SH3PXD2A: variants seen among roughly 807,000 people sequenced by gnomAD.
SH3PXD2A encodes SH3 and PX domains 2A, also known as SH3 and PX domain-containing protein 2A.
Under a neutral mutation model 115.2 loss-of-function variants are expected in SH3PXD2A, and 32 were observed. The observed-to-expected ratio is 0.28, with a 90% CI of 0.21 to 0.37. SH3PXD2A has a LOEUF of 0.37. Among genes scored for constraint, SH3PXD2A ranks in the 10% least tolerant of loss-of-function variants. The pLI, the probability that SH3PXD2A is intolerant of heterozygous loss-of-function variation, is 1.00. For synonymous variants in SH3PXD2A, 610 were observed against 629.1 expected (o/e 0.97, Z 0.45); for missense variants, 1,328 against 1,498.7 (o/e 0.89, Z 1.88).
intron 3 of SH3PXD2A, among the ~76,000 whole-genome samples, chr10:103,739,354 G>A (rs2134189763): frequency 6.6e-6 from 1 of 152,350 alleles, no homozygotes; most frequent in Admixed American, 6.5e-5. Context: ...TCCCAGCTGA[G>A]TTTTTGGAAG....
intron 5 of SH3PXD2A, among the ~76,000 whole-genome samples, chr10:103,707,977 G>C (rs2038001000): frequency 6.6e-6 from 1 of 152,072 alleles, no homozygotes; most frequent in Admixed American, 6.5e-5. Flanking sequence ...TCACTTGGAG[G>C]CCCAGCTCCC....
chr10:103,804,471 G>A (rs1172348954), intron 1 of SH3PXD2A, among the ~76,000 whole-genome samples: 6 of 151,480 alleles, frequency 4.0e-5, no homozygotes, highest in Non-Finnish European at 7.4e-5. Flanking sequence ...GCAGGCACCC[G>A]CCACCACGCC....
chr10:103,776,010 G>A (rs1390402245), intron 2 of SH3PXD2A, among the ~76,000 whole-genome samples: 1 of 152,176 alleles, frequency 6.6e-6, no homozygotes, highest in Non-Finnish European at 1.5e-5. Flanking sequence ...TGGGCTCTAG[G>A]GGAGCATCTG....
intron 8 of SH3PXD2A, among the ~76,000 whole-genome samples, chr10:103,638,830 T>C (rs540358387): frequency 1.3e-5 from 2 of 152,366 alleles, no homozygotes; most frequent in East Asian, 3.9e-4. Flanking sequence ...CCTGGGTGAC[T>C]GGGGCCAGGG....
chr10:103,678,096 T>A, intron 6 of SH3PXD2A: 1 of 1,286,702 alleles, frequency 7.8e-7, no homozygotes, highest in Non-Finnish European at 1.0e-6. Flanking sequence ...AGCAGTACAG[T>A]CTCTGGCAGG....
chr10:103,775,658 G>A (rs189729963), intron 2 of SH3PXD2A, among the ~76,000 whole-genome samples: 12 of 152,314 alleles, frequency 7.9e-5, no homozygotes, highest in Non-Finnish European at 1.8e-4. Flanking sequence ...AAATGCTGCC[G>A]TATGTCAGAG....
chr10:103,755,744 AC>A (rs566707583), intron 3 of SH3PXD2A, among the ~76,000 whole-genome samples: 99 of 151,926 alleles, frequency 6.5e-4, no homozygotes, highest in Non-Finnish European at 1.2e-3. Flanking sequence ...GCTCAGAACC[AC>A]CCCCTACCCG....
In SH3PXD2A at chr10:103,607,147, G is replaced by A. The variant is rs566952842; in HGVS notation, c.1309-1230C>T. Among the ~76,000 whole-genome samples the A allele has an allele frequency of 7.8e-5, 11 of 141,488 alleles. No homozygotes were observed. In the East Asian group the frequency reaches 1.7e-3, roughly 22 times the overall value. The allele number at this position is 141,488 out of a possible 152,430, so 92.8% of individuals were successfully genotyped here. A position where few individuals can be genotyped will look rare whatever the true frequency, so the allele number is the denominator to read the frequency against. On this transcript the variant is annotated intron_variant, in intron 13 of 14. Coordinates refer to ENST00000369774, the MANE Select transcript of SH3PXD2A (RefSeq NM_001394015.1). ...ATGTGGGGAGTGCCTCTGCCCTGCC[G>A]CCCCGTCTGGGATGTGAGGAGCGCC...
intron 3 of SH3PXD2A, among the ~76,000 whole-genome samples, chr10:103,738,735 G>T (rs1193822449): frequency 6.6e-6 from 1 of 152,126 alleles, no homozygotes; most frequent in Admixed American, 6.5e-5. Context: ...CAATCTCAAG[G>T]TTAGCCAAAG....
chr10:103,670,111 C>T (rs1338562250), intron 6 of SH3PXD2A, among the ~76,000 whole-genome samples: 1 of 152,198 alleles, frequency 6.6e-6, no homozygotes, highest in Non-Finnish European at 1.5e-5. Flanking sequence ...CTCTTTCCCT[C>T]ACTCAGCAAG....
intron 3 of SH3PXD2A, among the ~76,000 whole-genome samples, chr10:103,739,544 C>T (rs746708128): frequency 3.9e-5 from 6 of 152,078 alleles, no homozygotes; most frequent in Non-Finnish European, 4.4e-5. Context: ...AAAGCCAAAC[C>T]GGTGACCGTA....
At chr10:103,767,259 C>T in intron 2 of SH3PXD2A, 90 bp from the exon 3 acceptor site, 2 of 937,630 alleles carry the variant, frequency 2.1e-6, no homozygotes, top group Non-Finnish European at 3.4e-6. Flanking sequence ...GCTCCAGGGC[C>T]CCAGTGTCCT....
At chr10:103,788,813 C>T (rs1048028685) in intron 2 of SH3PXD2A, among the ~76,000 whole-genome samples, 7 of 152,088 alleles carry the variant, frequency 4.6e-5, no homozygotes, top group Non-Finnish European at 1.0e-4. Context: ...ACCCGGGAGG[C>T]GGAGCTTGCA....
chr10:103,841,867 G>T (rs1331149953), intron 1 of SH3PXD2A, among the ~76,000 whole-genome samples: 1 of 152,212 alleles, frequency 6.6e-6, no homozygotes, highest in Non-Finnish European at 1.5e-5. Flanking sequence ...GCTCACGCCT[G>T]TAATCCCAGC....
At chr10:103,723,103 C>A (rs907590612) in intron 5 of SH3PXD2A, among the ~76,000 whole-genome samples, 1 of 152,194 alleles carries the variant, frequency 6.6e-6, no homozygotes, top group Admixed American at 6.5e-5. Context: ...TCCAGAGCCA[C>A]GCAATGCTCA....
intron 8 of SH3PXD2A, among the ~76,000 whole-genome samples, chr10:103,631,879 AGG>A (rs2036785186): frequency 6.6e-6 from 1 of 152,030 alleles, no homozygotes; most frequent in Non-Finnish European, 1.5e-5. Flanking sequence ...GCACTTTGGG[AGG>A]TCAAGGTGGG....
Position 103,661,032 on chromosome 10 carries a change from C to T in SH3PXD2A, c.555G>A (p.Leu185=). The change falls in exon 8 of 15, where the codon CTG becomes CTA. Residue 185 remains leucine, a synonymous_variant. Coordinates refer to ENST00000369774, the MANE Select transcript of SH3PXD2A (RefSeq NM_001394015.1). ...SNYKKQENSE[L]SLQAGEVVDV... is the part of the protein sequence containing the mutation. ...CCACCACCTCCCCGGCCTGGAGGCT[C>T]AGCTCCGAGTTCTCCTGCTTCTTAT... 1 of 1,614,166 alleles carries T rather than the reference C, an allele frequency of 6.2e-7. No individual in the cohort carries two copies. Among genetic ancestry groups the T allele is most frequent in the African/African-American group, 1.3e-5 (1 of 75,078 alleles).
At chr10:103,773,439 CTTTCTT>C (rs1224538760) in intron 2 of SH3PXD2A, among the ~76,000 whole-genome samples, 4 of 146,490 alleles carry the variant, frequency 2.7e-5, no homozygotes. Context: ...TCTTTTCTTT[CTTTCTT>C]TTTTTTTTTT....
chr10:103,849,862 A>T (rs187175550), intron 1 of SH3PXD2A, among the ~76,000 whole-genome samples: 6 of 152,206 alleles, frequency 3.9e-5, no homozygotes, highest in Admixed American at 3.9e-4. Flanking sequence ...CTAATCTACT[A>T]TCCCTTTCCT....
Sources: gnomAD v4.1 joint callset for allele counts (sites outside exome capture counted in the v4.1 genomes callset) on GRCh38, gnomAD v4.1.1 for gene constraint, MANE v1.5 for transcripts, NCBI Gene and HGNC (gene_info 2026-07-23, HGNC 2026-07-21) for gene names.